LUZP2: variants seen among roughly 807,000 people sequenced by gnomAD.
LUZP2 encodes leucine zipper protein 2.
In LUZP2, 52 loss-of-function variants were observed where a neutral mutation model predicts 51.6. That is an observed-to-expected ratio of 1.01 (90% CI 0.81 to 1.27). The LOEUF (loss-of-function observed/expected upper bound fraction) is 1.27, where lower values mean the gene tolerates loss of function less well. LUZP2 is among the 50% of genes most tolerant of loss of function. The probability of loss-of-function intolerance (pLI) is 0.00; values close to 1 mark genes in which losing one functional copy is unlikely to be tolerated. For missense variants in LUZP2, 436 were observed against 395.4 expected (o/e 1.10, Z -0.87); for synonymous variants, 154 against 137.3 (o/e 1.12, Z -0.85).
intron 5 of LUZP2, among the ~76,000 whole-genome samples, chr11:24,874,555 A>G (rs1379493804): frequency 6.6e-6 from 1 of 152,110 alleles, no homozygotes. Flanking sequence ...CTCGGCCTGT[A>G]CTTGACTGCA....
intron 1 of LUZP2, among the ~76,000 whole-genome samples, chr11:24,515,745 C>T (rs1325857263): frequency 6.6e-6 from 1 of 152,122 alleles, no homozygotes; most frequent in Non-Finnish European, 1.5e-5. Context: ...TAATCATAGG[C>T]TCTCCAGTAG....
intron 5 of LUZP2, among the ~76,000 whole-genome samples, chr11:24,780,324 T>C (rs928584791): frequency 6.6e-6 from 1 of 152,142 alleles, no homozygotes; most frequent in Non-Finnish European, 1.5e-5. Flanking sequence ...TCTTCAACCA[T>C]TATTTATCAC....
In LUZP2 at chr11:25,078,565, G is replaced by T; in HGVS notation, c.948G>T (p.Met316Ile). The change falls in exon 12 of 12, where the codon ATG becomes ATT. Residue 316 changes from methionine to isoleucine, a missense_variant. Transcript: ENST00000336930. Reference protein sequence around the residue: ...ETEPIPQKLQMPPCSECEVKK... With the variant: ...ETEPIPQKLQIPPCSECEVKK... ...GTATTGTTTAACAGAAATTGCAAATGCCTCCTTGCTCTGAATGTGAGGTGA... is the reference window on the plus strand; with the variant it reads ...GTATTGTTTAACAGAAATTGCAAATTCCTCCTTGCTCTGAATGTGAGGTGA... 6.2e-7 allele frequency: 1 copy of T among 1,611,202 alleles called. No individual in the cohort carries two copies. Among genetic ancestry groups the T allele is most frequent in the Non-Finnish European group, 8.5e-7 (1 of 1,179,168 alleles).
chr11:25,043,569 T>C (rs1274289922), intron 9 of LUZP2, among the ~76,000 whole-genome samples: 3 of 151,988 alleles, frequency 2.0e-5, no homozygotes, highest in Non-Finnish European at 2.9e-5. Flanking sequence ...AGGATATATG[T>C]ATCCAGGATA....
intron 1 of LUZP2, among the ~76,000 whole-genome samples, chr11:24,505,849 C>A (rs1447011450): frequency 6.6e-6 from 1 of 151,968 alleles, no homozygotes; most frequent in Non-Finnish European, 1.5e-5. Flanking sequence ...GACAGTATTA[C>A]CTGACCTCGT....
chr11:24,817,846 C>A lies in LUZP2; in HGVS notation c.396+54538C>A, dbSNP rs1009425748. On this transcript the variant is annotated intron_variant, in intron 5 of 11. Transcript: ENST00000336930. Reference sequence around the variant, plus strand: ...TTGTACCAGTTATTTTTCTCTTTCCCAGGGGTAGCCTGTCATACACTGTGT... The same window carrying A: ...TTGTACCAGTTATTTTTCTCTTTCCAAGGGGTAGCCTGTCATACACTGTGT... 1.1e-3 allele frequency among the ~76,000 whole-genome samples: 160 copies of A among 151,996 alleles called. 2 individuals carry two copies. Among genetic ancestry groups the A allele is most frequent in the Non-Finnish European group, 2.9e-4 (20 of 67,866 alleles).
chr11:24,511,812 A>G (rs945770186), intron 1 of LUZP2, among the ~76,000 whole-genome samples: 1 of 152,186 alleles, frequency 6.6e-6, no homozygotes, highest in Admixed American at 6.5e-5. Context: ...GTGGAAAGAG[A>G]ACACTTAAAT....
chr11:25,078,699 C>A lies in LUZP2; in HGVS notation c.*41C>A. Reference sequence around the variant, plus strand: ...GTTAAAAACGTCCATTTGCTATTGTCTTCATATTCTTTTTAGACCACAAGC... The same window carrying A: ...GTTAAAAACGTCCATTTGCTATTGTATTCATATTCTTTTTAGACCACAAGC... On this transcript the variant is annotated 3_prime_UTR_variant, in exon 12 of 12. Coordinates refer to ENST00000336930, the MANE Select transcript of LUZP2 (RefSeq NM_001009909.4). 7.0e-7 allele frequency: 1 copy of A among 1,423,416 alleles called. No homozygotes were observed. Among genetic ancestry groups the A allele is most frequent in the Non-Finnish European group, 9.7e-7 (1 of 1,027,222 alleles). The allele number at this position is 1,423,416 out of a possible 1,614,324, so 88.2% of individuals were successfully genotyped here.
intron 5 of LUZP2, among the ~76,000 whole-genome samples, chr11:24,809,801 A>C (rs1368548080): frequency 6.6e-6 from 1 of 152,100 alleles, no homozygotes. Context: ...TGAAGTGGTT[A>C]GATTTGCTTA....
chr11:24,670,278 T>G (rs2134000157), intron 1 of LUZP2, among the ~76,000 whole-genome samples: 1 of 152,214 alleles, frequency 6.6e-6, no homozygotes, highest in South Asian at 2.1e-4. Flanking sequence ...TTAAGTAATT[T>G]TTTAAATGGC....
At chr11:24,718,438 A>T (rs1343667616) in intron 1 of LUZP2, among the ~76,000 whole-genome samples, 1 of 152,200 alleles carries the variant, frequency 6.6e-6, no homozygotes, top group Non-Finnish European at 1.5e-5. Flanking sequence ...AAGAGTGGGA[A>T]TTTGGAGTGT....
intron 10 of LUZP2, among the ~76,000 whole-genome samples, chr11:25,057,763 A>C (rs189302443): frequency 1.3e-5 from 2 of 152,008 alleles, no homozygotes; most frequent in Admixed American, 1.3e-4. Context: ...GCACTAGCTC[A>C]ATTTCCTGCC....
chr11:24,614,281 T>C (rs1395701506), intron 1 of LUZP2, among the ~76,000 whole-genome samples: 2 of 151,956 alleles, frequency 1.3e-5, no homozygotes, highest in Non-Finnish European at 2.9e-5. Context: ...AAACATATTG[T>C]TAATCAACTT....
chr11:24,983,785 GGGGT>G (rs1856110390), intron 9 of LUZP2, among the ~76,000 whole-genome samples: 1 of 146,070 alleles, frequency 6.8e-6, no homozygotes, highest in South Asian at 2.2e-4. Flanking sequence ...CCTTACTCCT[GGGGT>G]TTTTTTTCCC....
intron 9 of LUZP2, among the ~76,000 whole-genome samples, chr11:25,009,063 T>G (rs1017719660): frequency 6.6e-6 from 1 of 152,156 alleles, no homozygotes; most frequent in Non-Finnish European, 1.5e-5. Flanking sequence ...AACACTAATA[T>G]ACAAAAAGGT....
intron 5 of LUZP2, among the ~76,000 whole-genome samples, chr11:24,779,107 A>G (rs1241812151): frequency 6.6e-6 from 1 of 152,174 alleles, no homozygotes; most frequent in East Asian, 1.9e-4. Flanking sequence ...ACAATTAACC[A>G]AGATTATTTA....
intron 1 of LUZP2, among the ~76,000 whole-genome samples, chr11:24,664,461 G>T (rs1457628626): frequency 6.6e-6 from 1 of 152,118 alleles, no homozygotes; most frequent in Non-Finnish European, 1.5e-5. Flanking sequence ...AATTTGAGGA[G>T]CCAAGTGTTA....
intron 1 of LUZP2, among the ~76,000 whole-genome samples, chr11:24,684,266 T>A (rs971308251): frequency 3.3e-5 from 5 of 152,130 alleles, no homozygotes; most frequent in Non-Finnish European, 7.3e-5. Flanking sequence ...TGATCCTAAT[T>A]GCCCATAGGA....
At chr11:24,602,147 TA>T in intron 1 of LUZP2, among the ~76,000 whole-genome samples, 1 of 127,784 alleles carries the variant, frequency 7.8e-6, no homozygotes, top group South Asian at 2.3e-4. Flanking sequence ...TATATGTATA[TA>T]TGTATATATG....
Sources: allele counts gnomAD v4.1 joint callset (sites outside exome capture counted in the v4.1 genomes callset), GRCh38; gene constraint gnomAD v4.1.1; transcripts MANE v1.5; gene names NCBI Gene and HGNC (gene_info 2026-07-23, HGNC 2026-07-21).